Variants in DPP10 observed in about 807,000 individuals in gnomAD.
DPP10 encodes the protein dipeptidyl peptidase like 10.
In DPP10, 33 loss-of-function variants were observed where a neutral mutation model predicts 120.9. The ratio of observed to expected loss-of-function variants is 0.27; its 90% CI spans 0.21 to 0.37. The LOEUF (loss-of-function observed/expected upper bound fraction) is 0.37. Ranked by LOEUF, DPP10 falls within the 10% of genes least tolerant of loss-of-function variation. The pLI, the probability that DPP10 is intolerant of heterozygous loss-of-function variation, is 1.00. For synonymous variants in DPP10, 337 were observed against 326.1 expected (o/e 1.03, Z -0.36); for missense variants, 816 against 942.8 (o/e 0.87, Z 1.76).
intron 1 of DPP10, among the ~76,000 whole-genome samples, chr2:115,050,406 C>T: frequency 6.6e-6 from 1 of 152,162 alleles, no homozygotes; most frequent in East Asian, 1.9e-4. Context: ...GAAAGACCTG[C>T]TTAAAGTCAA....
chr2:115,095,745 A>C (rs1279891455), intron 1 of DPP10, among the ~76,000 whole-genome samples: 3 of 152,120 alleles, frequency 2.0e-5, no homozygotes, highest in Non-Finnish European at 4.4e-5. Context: ...AATGGAAATA[A>C]ATTAACTTTA....
intron 3 of DPP10, among the ~76,000 whole-genome samples, chr2:115,378,668 A>AG (rs1198262450): frequency 6.6e-6 from 1 of 151,878 alleles, no homozygotes; most frequent in African/African-American, 2.4e-5. Flanking sequence ...TTGCCCATTC[A>AG]GTATGATATT....
At chr2:115,529,090 A>T (rs2078304516) in intron 5 of DPP10, among the ~76,000 whole-genome samples, 1 of 152,144 alleles carries the variant, frequency 6.6e-6, no homozygotes, top group South Asian at 2.1e-4. Context: ...GCATGTAAAA[A>T]TAATTATGTC....
intron 5 of DPP10, among the ~76,000 whole-genome samples, chr2:115,607,030 G>A (rs979701632): frequency 2.0e-5 from 3 of 152,142 alleles, no homozygotes; most frequent in African/African-American, 7.2e-5. Flanking sequence ...CTATCAAAAG[G>A]TAGGGAAGGC....
intron 5 of DPP10, among the ~76,000 whole-genome samples, chr2:115,537,893 T>A (rs1055372040): frequency 2.0e-5 from 3 of 151,970 alleles, no homozygotes; most frequent in Non-Finnish European, 2.9e-5. Context: ...TTCACATGGC[T>A]GGCAAGTTGA....
chr2:114,481,730 A>C (rs371036977), intron 1 of DPP10, among the ~76,000 whole-genome samples: 17 of 152,134 alleles, frequency 1.1e-4, no homozygotes, highest in Non-Finnish European at 1.5e-5. Flanking sequence ...TCACACTGCT[A>C]TAAAGATACT....
intron 5 of DPP10, among the ~76,000 whole-genome samples, chr2:115,595,180 A>C (rs1364695771): frequency 6.6e-6 from 1 of 152,112 alleles, no homozygotes; most frequent in African/African-American, 2.4e-5. Flanking sequence ...CTTTGAGAGG[A>C]GACTCAGTTT....
intron 1 of DPP10, among the ~76,000 whole-genome samples, chr2:114,982,450 C>T (rs1401164769): frequency 6.6e-6 from 1 of 152,052 alleles, no homozygotes; most frequent in Non-Finnish European, 1.5e-5. Flanking sequence ...TAATGCCACA[C>T]ATTTTATGAT....
Position 115,689,679 on chromosome 2 carries a change from A to T in DPP10, c.442-8A>T. The T allele has an allele frequency of 1.3e-6, 2 of 1,496,222 alleles. No homozygotes were observed. The highest frequency in any genetic ancestry group is 1.8e-6 in the Non-Finnish European group (2 of 1,095,794). 92.7% of individuals were successfully genotyped at this position (1,496,222 alleles called of 1,614,324 possible). On this transcript the variant is annotated splice_polypyrimidine_tract_variant and splice_region_variant and intron_variant, in intron 5 of 25. Coordinates refer to ENST00000410059, the MANE Select transcript of DPP10 (RefSeq NM_020868.6). ...CTATGATCAATAATGTTTCTTTTTTAATTTCAGATTTTTCATTATTCGTAT... is the reference window on the plus strand; with the variant it reads ...CTATGATCAATAATGTTTCTTTTTTTATTTCAGATTTTTCATTATTCGTAT...
intron 1 of DPP10, among the ~76,000 whole-genome samples, chr2:115,124,313 T>C (rs2049968332): frequency 6.6e-6 from 1 of 152,200 alleles, no homozygotes; most frequent in African/African-American, 2.4e-5. Context: ...TCCAAAATTA[T>C]TGACATAGCT....
chr2:115,261,437 C>G (rs2059247121), intron 1 of DPP10, among the ~76,000 whole-genome samples: 1 of 152,152 alleles, frequency 6.6e-6, no homozygotes, highest in South Asian at 2.1e-4. Flanking sequence ...AAAAAATTGG[C>G]CTTGGCATCG....
chr2:115,484,842 C>T (rs1304589576), intron 3 of DPP10, among the ~76,000 whole-genome samples: 1 of 152,066 alleles, frequency 6.6e-6, no homozygotes, highest in Non-Finnish European at 1.5e-5. Flanking sequence ...TAGTTTTCTC[C>T]CACCTCCTAC....
At chr2:115,228,904 T>A (rs1246193067) in intron 1 of DPP10, among the ~76,000 whole-genome samples, 2 of 152,108 alleles carry the variant, frequency 1.3e-5, no homozygotes, top group Non-Finnish European at 2.9e-5. Context: ...GGTGGTGGGG[T>A]TGCTGGATCT....
At chr2:115,358,184 T>C (rs1467868994) in intron 3 of DPP10, among the ~76,000 whole-genome samples, 2 of 152,148 alleles carry the variant, frequency 1.3e-5, no homozygotes, top group Non-Finnish European at 2.9e-5. Flanking sequence ...TTCTATCATA[T>C]CATCAGGCTA....
intron 1 of DPP10, among the ~76,000 whole-genome samples, chr2:114,474,901 A>G (rs956889): frequency 6.6e-6 from 1 of 152,176 alleles, no homozygotes; most frequent in Admixed American, 6.5e-5. Flanking sequence ...CTGCATTCTG[A>G]GCCTTGACAG....
At chr2:115,201,528 G>A (rs991563054) in intron 1 of DPP10, among the ~76,000 whole-genome samples, 1 of 152,006 alleles carries the variant, frequency 6.6e-6, no homozygotes, top group African/African-American at 2.4e-5. Context: ...GAGACAGGTC[G>A]GATTTTTCAC....
intron 19 of DPP10, among the ~76,000 whole-genome samples, chr2:115,802,176 C>T (rs534589878): frequency 3.5e-4 from 54 of 152,236 alleles, no homozygotes; most frequent in African/African-American, 1.2e-3. Context: ...GTGTATGTGT[C>T]GAGGAATTTA....
intron 1 of DPP10, among the ~76,000 whole-genome samples, chr2:114,540,191 C>T (rs889126446): frequency 2.0e-5 from 3 of 152,168 alleles, no homozygotes; most frequent in African/African-American, 7.2e-5. Flanking sequence ...ATTTTTGCAT[C>T]ATTTCCAAAT....
At chr2:114,827,727 T>G (rs1288925589) in intron 1 of DPP10, among the ~76,000 whole-genome samples, 1 of 152,150 alleles carries the variant, frequency 6.6e-6, no homozygotes, top group Non-Finnish European at 1.5e-5. Context: ...GCCTACCTAT[T>G]TAGCCTGTGC....
Sources: allele counts gnomAD v4.1 joint callset (sites outside exome capture counted in the v4.1 genomes callset), GRCh38; gene constraint gnomAD v4.1.1; transcripts MANE v1.5; gene names NCBI Gene and HGNC (gene_info 2026-07-23, HGNC 2026-07-21).